The following MSRA variants were observed in gnomAD, a reference collection of about 807,000 sequenced individuals.
MSRA encodes the protein methionine sulfoxide reductase A.
MSRA carries 54 observed loss-of-function variants against 31.3 expected under a neutral mutation model. That is an observed-to-expected ratio of 1.73 (90% CI 1.39 to 2.17). The LOEUF (loss-of-function observed/expected upper bound fraction) is 2.17, where lower values mean the gene tolerates loss of function less well. MSRA is among the 30% of genes most tolerant of loss of function. The pLI, the probability that MSRA is intolerant of heterozygous loss-of-function variation, is 0.00. For missense variants in MSRA, 507 were observed against 300.9 expected (o/e 1.69, Z -5.07); for synonymous variants, 169 against 116.5 (o/e 1.45, Z -2.90).
chr8:10,336,906 G>A (rs189295913), intron 5 of MSRA: 25 of 152,314 alleles, frequency 1.6e-4, no homozygotes, highest in African/African-American at 5.8e-4. Flanking sequence ...ACAAAGACAG[G>A]CATAGAAATT....
chr8:10,319,995 G>T lies in MSRA; in HGVS notation c.543+6G>T. 6.3e-7 allele frequency: 1 copy of T among 1,590,420 alleles called. No homozygotes were observed. The highest frequency in any genetic ancestry group is 8.6e-7 in the Non-Finnish European group (1 of 1,166,828). On this transcript the variant is annotated splice_donor_region_variant and intron_variant, in intron 5 of 5. Coordinates refer to ENST00000317173, the MANE Select transcript of MSRA (RefSeq NM_012331.5). Reference sequence around the variant, plus strand: ...CCAAAGAGAACTACCAAAAGGTAGGGATTGCTGGGCTCCTAGCCCCTGGCT... The same window carrying T: ...CCAAAGAGAACTACCAAAAGGTAGGTATTGCTGGGCTCCTAGCCCCTGGCT...
At chr8:10,143,317 G>A (rs929772172) in intron 1 of MSRA, among the ~76,000 whole-genome samples, 1 of 152,200 alleles carries the variant, frequency 6.6e-6, no homozygotes, top group East Asian at 1.9e-4. Context: ...TAAAATGCTG[G>A]CATCTTAATT....
At chr8:10,256,435 G>A (rs985412022) in intron 3 of MSRA, among the ~76,000 whole-genome samples, 3 of 152,160 alleles carry the variant, frequency 2.0e-5, no homozygotes, top group African/African-American at 7.2e-5. Context: ...GTCAACATAG[G>A]AAACTGGTTT....
intron 4 of MSRA, among the ~76,000 whole-genome samples, chr8:10,314,572 G>A (rs1483089345): frequency 6.6e-6 from 1 of 152,190 alleles, no homozygotes; most frequent in African/African-American, 2.4e-5. Context: ...AAATTGGTAC[G>A]ACTACTCTGG....
In MSRA at chr8:10,150,363, G is replaced by A. The variant is rs554674028; in HGVS notation, c.143-57470G>A. On this transcript the variant is annotated intron_variant, in intron 1 of 5. Coordinates refer to ENST00000317173, the MANE Select transcript of MSRA (RefSeq NM_012331.5). ...ATATTTGTACAAATATGTGCACTTC[G>A]ATGATAATTACCATAGTCATTGTTT... Among the ~76,000 whole-genome samples, 5 of 152,208 alleles carry A rather than the reference G, an allele frequency of 3.3e-5. No individual in the cohort carries two copies. The South Asian group carries it at 8.3e-4, about 25-fold the overall frequency.
At chr8:10,292,947 C>T (rs1800324449) in intron 3 of MSRA, among the ~76,000 whole-genome samples, 1 of 152,186 alleles carries the variant, frequency 6.6e-6, no homozygotes, top group African/African-American at 2.4e-5. Flanking sequence ...CAGCCAAGGG[C>T]TCCTGTAGGC....
intron 4 of MSRA, among the ~76,000 whole-genome samples, chr8:10,303,891 C>G (rs1210317850): frequency 6.6e-6 from 1 of 152,168 alleles, no homozygotes; most frequent in African/African-American, 2.4e-5. Context: ...CAATCTTATG[C>G]CCATTATATT....
intron 5 of MSRA, among the ~76,000 whole-genome samples, chr8:10,420,377 G>C (rs59897496): frequency 0.014 from 2,181 of 151,842 alleles, 48 homozygotes; most frequent in African/African-American, 0.05. Flanking sequence ...GATAATATTG[G>C]GGCTTCTCAT....
At chr8:10,192,097 G>C (rs1014474773) in intron 1 of MSRA, among the ~76,000 whole-genome samples, 5 of 152,100 alleles carry the variant, frequency 3.3e-5, no homozygotes, top group Non-Finnish European at 7.4e-5. Flanking sequence ...TATAGCAGCT[G>C]GTTTCCCCCA....
At chr8:10,153,713 GC>G (rs1434583463) in intron 1 of MSRA, among the ~76,000 whole-genome samples, 1 of 152,100 alleles carries the variant, frequency 6.6e-6, no homozygotes, top group Non-Finnish European at 1.5e-5. Context: ...CTTCCATGTT[GC>G]CCCCTTCATA....
chr8:10,369,244 G>A (rs1210452946), intron 5 of MSRA, among the ~76,000 whole-genome samples: 18 of 146,662 alleles, frequency 1.2e-4, no homozygotes, highest in Admixed American at 2.0e-4. Flanking sequence ...CTTTCATAGA[G>A]TTCTTTAAAA....
chr8:10,218,527 A>AAGG (rs1810205713), intron 2 of MSRA, among the ~76,000 whole-genome samples: 1 of 152,202 alleles, frequency 6.6e-6, no homozygotes, highest in Non-Finnish European at 1.5e-5. Flanking sequence ...ACTGCAAGAT[A>AAGG]TTCTAATTCT....
intron 1 of MSRA, among the ~76,000 whole-genome samples, chr8:10,067,107 C>G (rs934067070): frequency 2.0e-5 from 3 of 152,146 alleles, no homozygotes; most frequent in African/African-American, 7.2e-5. Context: ...TATGTACCTA[C>G]CATTGCAGTA....
At chr8:10,268,003 C>T (rs893560457) in intron 3 of MSRA, among the ~76,000 whole-genome samples, 4 of 152,186 alleles carry the variant, frequency 2.6e-5, no homozygotes, top group African/African-American at 9.7e-5. Flanking sequence ...GCATGTCCTG[C>T]GTCACAATGA....
At chr8:10,184,968 A>G (rs1179163626) in intron 1 of MSRA, among the ~76,000 whole-genome samples, 1 of 152,188 alleles carries the variant, frequency 6.6e-6, no homozygotes, top group Non-Finnish European at 1.5e-5. Flanking sequence ...ATGAGAATAA[A>G]CAGTTTGCAT....
intron 3 of MSRA, among the ~76,000 whole-genome samples, chr8:10,285,862 GAAAC>G (rs1395472818): frequency 6.6e-6 from 1 of 152,020 alleles, no homozygotes; most frequent in Non-Finnish European, 1.5e-5. Context: ...AATTTTAATA[GAAAC>G]AAAGCTGTAT....
At chr8:10,279,686 C>A (rs1196217055) in intron 3 of MSRA, among the ~76,000 whole-genome samples, 1 of 152,174 alleles carries the variant, frequency 6.6e-6, no homozygotes, top group Non-Finnish European at 1.5e-5. Context: ...GAAGCTAACA[C>A]CTAGAAGGCA....
At chr8:10,384,294 G>C (rs17151879) in intron 5 of MSRA, among the ~76,000 whole-genome samples, 20,741 of 152,178 alleles carry the variant, frequency 0.14, 1,624 homozygotes, top group East Asian at 0.26. Flanking sequence ...CAAATCCATT[G>C]AGAGATGCTG....
At position 10,301,559 on chromosome 8, in the gene MSRA, C is replaced by T; in HGVS notation, c.357C>T (p.Val119=). The change falls in exon 4 of 6, where the codon GTC becomes GTT. Residue 119 remains valine, a synonymous_variant. Coordinates refer to ENST00000317173, the MANE Select transcript of MSRA (RefSeq NM_012331.5). ...AAAAAACTGGCCATGCAGAAGTCGT[C>T]CGAGTGGTGTACCAGCCAGAACACA... ...CSEKTGHAEV[V]RVVYQPEHMS... is the part of the protein sequence containing the mutation. 1.9e-6 allele frequency: 3 copies of T among 1,613,870 alleles called. No individual in the cohort carries two copies. The highest frequency in any genetic ancestry group is 1.7e-6 in the Non-Finnish European group (2 of 1,179,956).
Sources: gnomAD v4.1 joint callset for allele counts (sites outside exome capture counted in the v4.1 genomes callset) on GRCh38, gnomAD v4.1.1 for gene constraint, MANE v1.5 for transcripts, NCBI Gene and HGNC (gene_info 2026-07-23, HGNC 2026-07-21) for gene names.